SYNPR: variants seen among roughly 807,000 people sequenced by gnomAD.
SYNPR encodes the protein synaptoporin.
In SYNPR, 23 loss-of-function variants were observed where a neutral mutation model predicts 32.9. The observed-to-expected ratio is 0.70, with a 90% CI of 0.50 to 0.99. The LOEUF (loss-of-function observed/expected upper bound fraction) is 0.99. SYNPR is among the 50% of genes least tolerant of loss of function. The pLI, the probability that SYNPR is intolerant of heterozygous loss-of-function variation, is 0.00. For synonymous variants in SYNPR, 146 were observed against 135.9 expected, an observed-to-expected ratio of 1.07 and a Z score of -0.52; for missense variants, 318 against 349.3, an observed-to-expected ratio of 0.91 and a Z score of 0.71.
intron 2 of SYNPR, among the ~76,000 whole-genome samples, chr3:63,302,252 G>T (rs943403407): frequency 6.6e-5 from 10 of 151,950 alleles, no homozygotes; most frequent in African/African-American, 2.4e-4. Flanking sequence ...TTGTGCCATT[G>T]TTTCCCGATA....
At chr3:63,530,012 CT>C (rs1230689194) in intron 3 of SYNPR, among the ~76,000 whole-genome samples, 3 of 152,140 alleles carry the variant, frequency 2.0e-5, no homozygotes, top group Non-Finnish European at 2.9e-5. Context: ...GGAAGGGACA[CT>C]TCAGCAAAGT....
At chr3:63,322,463 A>T (rs2087120991) in intron 2 of SYNPR, among the ~76,000 whole-genome samples, 1 of 152,112 alleles carries the variant, frequency 6.6e-6, no homozygotes, top group Non-Finnish European at 1.5e-5. Flanking sequence ...AGTGTGAGTA[A>T]GTCAGGGCTT....
chr3:63,497,981 A>G (rs1701404319), intron 3 of SYNPR, among the ~76,000 whole-genome samples: 1 of 152,152 alleles, frequency 6.6e-6, no homozygotes, highest in South Asian at 2.1e-4. Flanking sequence ...GAAGAGAAAT[A>G]CAGGGAGTAA....
At chr3:63,314,611 A>T (rs1035751995) in intron 2 of SYNPR, among the ~76,000 whole-genome samples, 40 of 152,094 alleles carry the variant, frequency 2.6e-4, no homozygotes, top group African/African-American at 9.6e-4. Context: ...TTCATTGTAG[A>T]TTCTGGATAT....
intron 2 of SYNPR, among the ~76,000 whole-genome samples, chr3:63,334,704 G>A (rs2087265957): frequency 1.3e-5 from 2 of 152,126 alleles, no homozygotes. Context: ...GGGTACATTG[G>A]CGATTGATAT....
At chr3:63,289,173 G>A (rs2086714911) in intron 2 of SYNPR, among the ~76,000 whole-genome samples, 1 of 152,172 alleles carries the variant, frequency 6.6e-6, no homozygotes. Context: ...ACACAATCAA[G>A]CATTCCTAAA....
intron 4 of SYNPR, among the ~76,000 whole-genome samples, chr3:63,579,062 C>T (rs944087214): frequency 1.3e-5 from 2 of 152,114 alleles, no homozygotes; most frequent in African/African-American, 4.8e-5. Flanking sequence ...ACTGTTGTCA[C>T]CTCTCGTTTA....
At chr3:63,308,702 T>C (rs2086931828) in intron 2 of SYNPR, among the ~76,000 whole-genome samples, 1 of 151,986 alleles carries the variant, frequency 6.6e-6, no homozygotes, top group East Asian at 1.9e-4. Flanking sequence ...TGTTCCTCTG[T>C]ACATAATGTG....
intron 3 of SYNPR, among the ~76,000 whole-genome samples, chr3:63,516,483 C>G (rs183299137): frequency 2.1e-4 from 32 of 152,224 alleles, no homozygotes; most frequent in African/African-American, 7.5e-4. Flanking sequence ...TACAAAATTA[C>G]AAGGAAAATT....
At chr3:63,274,719 A>G (rs373144509), upstream of SYNPR, among the ~76,000 whole-genome samples, 40 of 152,276 alleles carry the variant, frequency 2.6e-4, 1 homozygote, top group African/African-American at 8.9e-4. Context: ...CCTTGGCACC[A>G]TTGACATTTT....
chr3:63,451,278 A>G (rs1346266103), intron 2 of SYNPR, among the ~76,000 whole-genome samples: 1 of 152,092 alleles, frequency 6.6e-6, no homozygotes, highest in Non-Finnish European at 1.5e-5. Context: ...CATGCCCTCG[A>G]TGAGTGCTTG....
chr3:63,290,187 C>T (rs1295891115), intron 2 of SYNPR, among the ~76,000 whole-genome samples: 1 of 151,978 alleles, frequency 6.6e-6, no homozygotes, highest in Admixed American at 6.6e-5. Flanking sequence ...AGAGATCCCA[C>T]TACTTGCCTA....
At chr3:63,353,968 G>C (rs530667384) in intron 2 of SYNPR, among the ~76,000 whole-genome samples, 14 of 152,154 alleles carry the variant, frequency 9.2e-5, no homozygotes, top group Non-Finnish European at 1.3e-4. Context: ...GTATGAAAGG[G>C]AGAAACACAG....
intron 2 of SYNPR, among the ~76,000 whole-genome samples, chr3:63,334,559 G>GTGTGTGT (rs1191395038): frequency 5.7e-5 from 8 of 140,964 alleles, no homozygotes; most frequent in Non-Finnish European, 1.1e-4. Context: ...TGTGTGTGTG[G>GTGTGTGT]ACACACGTGG....
At chr3:63,452,431 A>G (rs1442023854) in intron 2 of SYNPR, among the ~76,000 whole-genome samples, 3 of 152,208 alleles carry the variant, frequency 2.0e-5, no homozygotes, top group African/African-American at 4.8e-5. Flanking sequence ...CCTCGCAACT[A>G]TGCTTTGAGG....
chr3:63,494,409 A>ATG (rs1200621128), intron 3 of SYNPR, among the ~76,000 whole-genome samples: 10 of 127,598 alleles, frequency 7.8e-5, no homozygotes, highest in African/African-American at 3.3e-4. Context: ...ATATATATAT[A>ATG]TATATATACG....
intron 2 of SYNPR, among the ~76,000 whole-genome samples, chr3:63,335,168 C>A (rs1454475434): frequency 6.6e-6 from 1 of 152,080 alleles, no homozygotes; most frequent in Non-Finnish European, 1.5e-5. Context: ...TCCTGGCTAA[C>A]ACGGTGAAAC....
intron 2 of SYNPR, among the ~76,000 whole-genome samples, chr3:63,324,897 A>AT (rs1424172739): frequency 6.6e-6 from 1 of 152,066 alleles, no homozygotes; most frequent in Non-Finnish European, 1.5e-5. Flanking sequence ...CACAACAAAT[A>AT]CCACAAGCAA....
chr3:63,339,078 A>C (rs148848739), intron 2 of SYNPR, among the ~76,000 whole-genome samples: 39 of 152,368 alleles, frequency 2.6e-4, no homozygotes, highest in Non-Finnish European at 4.9e-4. Context: ...ATTCACCTCT[A>C]TTACCTGATA....
Sources: allele counts gnomAD v4.1 joint callset (sites outside exome capture counted in the v4.1 genomes callset), GRCh38; gene constraint gnomAD v4.1.1; transcripts MANE v1.5; gene names NCBI Gene and HGNC (gene_info 2026-07-23, HGNC 2026-07-21).